Variants in PACRGL observed in about 807,000 individuals in gnomAD.
The protein encoded by PACRGL is parkin coregulated like.
A neutral mutation model predicts 34.5 loss-of-function variants in PACRGL; 38 were observed. The ratio of observed to expected loss-of-function variants is 1.10; its 90% CI spans 0.85 to 1.44. PACRGL has a LOEUF of 1.44. PACRGL is among the 40% of genes most tolerant of loss of function. The pLI is 0.00. For missense variants in PACRGL, 305 were observed against 281.4 expected, an observed-to-expected ratio of 1.08 and a Z score of -0.60; for synonymous variants, 128 against 100.1, an observed-to-expected ratio of 1.28 and a Z score of -1.66.
In PACRGL at chr4:20,724,819, A is replaced by G. The variant is rs1167088092; in HGVS notation, c.621A>G (p.Arg207=). 5 of 1,490,900 alleles carry G rather than the reference A, an allele frequency of 3.4e-6. No individual in the cohort carries two copies. The South Asian group carries it at 5.3e-5, about 16-fold the overall frequency. The allele number at this position is 1,490,900 out of a possible 1,614,324, so 92.4% of individuals were successfully genotyped here. A position where few individuals can be genotyped will look rare whatever the true frequency, so the allele number is the denominator to read the frequency against. ...LKHLLTSLSK[R]LMDKKFKEPI... ...TCTTACTTTAAAAGCTTTCCAAGAG[A>G]TTAATGGACAAGAAATTCAAAGAGC... The change falls in exon 8 of 9, where the codon AGA becomes AGG. Residue 207 remains arginine, a synonymous_variant. Coordinates refer to ENST00000503585, the MANE Select transcript of PACRGL (RefSeq NM_001258345.3).
At chr4:20,741,042 C>CCA (rs1478435816) in intron 8 of PACRGL, among the ~76,000 whole-genome samples, 1 of 152,064 alleles carries the variant, frequency 6.6e-6, no homozygotes, top group Non-Finnish European at 1.5e-5. Context: ...TATATATGCA[C>CCA]CAATACAGGA....
At chr4:20,764,116 T>G in the PACRGL span, among the ~76,000 whole-genome samples, 1 of 152,186 alleles carries the variant, frequency 6.6e-6, no homozygotes, top group African/African-American at 2.4e-5. Context: ...CTTATGGTTC[T>G]GTATTCTATT....
At chr4:20,758,976 C>T in the PACRGL span, 1 of 980,126 alleles carries the variant, frequency 1.0e-6, no homozygotes, top group Non-Finnish European at 1.6e-6. Context: ...AACTGTCTAC[C>T]ATGCAAAGCT....
intron 8 of PACRGL, among the ~76,000 whole-genome samples, chr4:20,744,779 T>C (rs1389719448): frequency 6.6e-6 from 1 of 151,892 alleles, no homozygotes; most frequent in Non-Finnish European, 1.5e-5. Context: ...ATAATAAAAA[T>C]ATAAAATAAA....
At chr4:20,701,834 A>G (rs1578088421) in intron 1 of PACRGL, 2 of 456,522 alleles carry the variant, frequency 4.4e-6, no homozygotes, top group Admixed American at 2.3e-5. Flanking sequence ...GGTCAAATCT[A>G]TAGATGTGGA....
chr4:20,759,035 C>A, the PACRGL span: 2 of 602,746 alleles, frequency 3.3e-6, no homozygotes, highest in South Asian at 2.3e-5. Flanking sequence ...GGAATAAAAG[C>A]ACACTATAAA....
chr4:20,716,549 G>T lies in PACRGL; in HGVS notation c.609+3010G>T, dbSNP rs554816776. On this transcript the variant is annotated intron_variant, in intron 7 of 8. Transcript: ENST00000503585. ...CTTCCTGTGTCCAAGTATTCTCATTGTTCAATTCCCACCTATGAGTGAGAA... is the reference window on the plus strand; with the variant it reads ...CTTCCTGTGTCCAAGTATTCTCATTTTTCAATTCCCACCTATGAGTGAGAA... 3.3e-5 allele frequency among the ~76,000 whole-genome samples: 5 copies of T among 152,150 alleles called. No individual in the cohort carries two copies. The South Asian group carries it at 1.0e-3, about 32-fold the overall frequency.
At chr4:20,756,199 C>T (rs534085770), downstream of PACRGL, among the ~76,000 whole-genome samples, 2 of 151,280 alleles carry the variant, frequency 1.3e-5, no homozygotes, top group East Asian at 3.9e-4. Context: ...TTGGCAAGGT[C>T]AATGGCAAAG....
At chr4:20,754,282 G>A (rs1178213926), downstream of PACRGL, among the ~76,000 whole-genome samples, 1 of 152,152 alleles carries the variant, frequency 6.6e-6, no homozygotes. Context: ...AAAGCTAACA[G>A]CCTGACACAA....
Position 20,704,651 on chromosome 4 carries a change from T to C in PACRGL, c.53-9T>C. 1 of 1,613,998 alleles carries C rather than the reference T, an allele frequency of 6.2e-7. No individual in the cohort carries two copies. On this transcript the variant is annotated splice_polypyrimidine_tract_variant and intron_variant, in intron 2 of 8. Coordinates refer to ENST00000503585, the MANE Select transcript of PACRGL (RefSeq NM_001258345.3). The stretch of plus-strand genomic sequence containing the variant: ...ACCTGGTTTCTATTGATGTTCTGTT[T>C]TTTTCCAGGTAACTATGATCAAAGG...
At chr4:20,766,222 A>G in the PACRGL span, among the ~76,000 whole-genome samples, 1 of 152,194 alleles carries the variant, frequency 6.6e-6, no homozygotes. Context: ...CCCAAATTAG[A>G]AAATAGCAGA....
At chr4:20,713,595 A>C in intron 7 of PACRGL, 56 bp downstream of exon 7, 4 of 1,381,664 alleles carry the variant, frequency 2.9e-6, no homozygotes, top group Non-Finnish European at 4.1e-6. Flanking sequence ...CACCATCCAT[A>C]TCTCTTCATG....
At chr4:20,765,410 G>A in the PACRGL span, among the ~76,000 whole-genome samples, 1 of 152,168 alleles carries the variant, frequency 6.6e-6, no homozygotes, top group Non-Finnish European at 1.5e-5. Context: ...TGTGCAAAGG[G>A]AAGCCATTTC....
At chr4:20,716,561 C>G (rs1381198343) in intron 7 of PACRGL, among the ~76,000 whole-genome samples, 18 of 152,172 alleles carry the variant, frequency 1.2e-4, no homozygotes, top group Non-Finnish European at 2.4e-4. Flanking sequence ...TCAATTCCCA[C>G]CTATGAGTGA....
upstream of PACRGL, among the ~76,000 whole-genome samples, chr4:20,698,863 T>C (rs775035311): frequency 6.6e-6 from 1 of 152,218 alleles, no homozygotes. Flanking sequence ...CTAATACTTA[T>C]TGAGTACTTC....
chr4:20,735,614 C>G (rs1749440627), downstream of PACRGL, among the ~76,000 whole-genome samples: 1 of 148,116 alleles, frequency 6.8e-6, no homozygotes. Context: ...ACTGCAACTT[C>G]CACCTCCCAC....
intron 8 of PACRGL, among the ~76,000 whole-genome samples, chr4:20,743,203 T>C (rs574901631): frequency 6.6e-6 from 1 of 152,252 alleles, no homozygotes; most frequent in South Asian, 2.1e-4. Context: ...CAAGGTGTAA[T>C]TTATAGATTC....
upstream of PACRGL, among the ~76,000 whole-genome samples, chr4:20,700,109 G>A (rs576075196): frequency 6.6e-6 from 1 of 152,152 alleles, no homozygotes; most frequent in South Asian, 2.1e-4. Flanking sequence ...CGAGTATTGA[G>A]GGTAAGATAG....
intron 7 of PACRGL, 103 bp from the exon 8 acceptor site, chr4:20,724,705 T>C: frequency 1.9e-6 from 1 of 521,338 alleles, no homozygotes; most frequent in Non-Finnish European, 3.0e-6. Flanking sequence ...AAAAAAAGCC[T>C]TGAAATCTAA....
Sources: gnomAD v4.1 joint callset for allele counts (sites outside exome capture counted in the v4.1 genomes callset) on GRCh38, gnomAD v4.1.1 for gene constraint, MANE v1.5 for transcripts, NCBI Gene and HGNC (gene_info 2026-07-23, HGNC 2026-07-21) for gene names.